PTPRM: variants seen among roughly 807,000 people sequenced by gnomAD.
The protein encoded by PTPRM is receptor-type tyrosine-protein phosphatase mu.
PTPRM carries 47 observed loss-of-function variants against 186.7 expected under a neutral mutation model. That is an observed-to-expected ratio of 0.25 (90% CI 0.20 to 0.32). PTPRM has a LOEUF of 0.32. Among genes scored for constraint, PTPRM ranks in the 10% least tolerant of loss-of-function variants. The pLI, the probability that PTPRM is intolerant of heterozygous loss-of-function variation, is 1.00. For synonymous variants in PTPRM, 668 were observed against 674.9 expected (o/e 0.99, Z 0.16); for missense variants, 1,494 against 1,865.0 (o/e 0.80, Z 3.66).
intron 3 of PTPRM, 151 bp downstream of exon 3, chr18:7,888,528 G>A (rs1599303456): frequency 2.2e-6 from 2 of 927,392 alleles, no homozygotes; most frequent in East Asian, 5.4e-5. Flanking sequence ...TACTGTTGGT[G>A]GGATTGTAAA....
intron 3 of PTPRM, among the ~76,000 whole-genome samples, chr18:7,900,530 T>C (rs2049609555): frequency 6.6e-6 from 1 of 152,152 alleles, no homozygotes; most frequent in African/African-American, 2.4e-5. Context: ...AACCTGTGTA[T>C]CTATACATTA....
intron 1 of PTPRM, among the ~76,000 whole-genome samples, chr18:7,579,571 T>C (rs1422552298): frequency 5.3e-5 from 8 of 152,234 alleles, no homozygotes; most frequent in Non-Finnish European, 1.0e-4. Flanking sequence ...TAGAAACTTA[T>C]CTGCTTCGTA....
At chr18:8,206,268 A>ATTTTATTTTTTTTTTTTATTTTTTTTTTT (rs1238112461) in intron 14 of PTPRM, among the ~76,000 whole-genome samples, 35 of 149,090 alleles carry the variant, frequency 2.3e-4, no homozygotes, top group African/African-American at 9.0e-4. Context: ...ATTTTATTTT[A>ATTTTATTTTTTTTTTTTATTTTTTTTTTT]TTTTGAGACG....
intron 7 of PTPRM, among the ~76,000 whole-genome samples, chr18:8,044,643 G>C (rs2086905078): frequency 6.6e-6 from 1 of 151,556 alleles, no homozygotes; most frequent in South Asian, 2.1e-4. Context: ...TGTAATCCCA[G>C]CTAATCGGGA....
At chr18:7,581,978 A>G (rs561467319) in intron 1 of PTPRM, among the ~76,000 whole-genome samples, 131 of 152,304 alleles carry the variant, frequency 8.6e-4, no homozygotes, top group African/African-American at 2.9e-3. Context: ...ATTTTTTTAA[A>G]GCATCAAAAT....
chr18:7,919,213 A>C (rs1474006731), intron 4 of PTPRM, among the ~76,000 whole-genome samples: 1 of 152,092 alleles, frequency 6.6e-6, no homozygotes, highest in Non-Finnish European at 1.5e-5. Context: ...CTACATTTTG[A>C]AATCAGGTAG....
chr18:8,137,666 C>T (rs184904806), intron 13 of PTPRM, among the ~76,000 whole-genome samples: 85 of 152,242 alleles, frequency 5.6e-4, no homozygotes, highest in Middle Eastern at 6.8e-3. Context: ...GCCTCAGTTC[C>T]AAATCCTCTT....
intron 14 of PTPRM, among the ~76,000 whole-genome samples, chr18:8,163,991 A>C (rs1418726410): frequency 2.0e-5 from 3 of 152,238 alleles, no homozygotes; most frequent in Non-Finnish European, 4.4e-5. Context: ...AAGAACTTGC[A>C]ACCATTAAAC....
intron 2 of PTPRM, among the ~76,000 whole-genome samples, chr18:7,834,992 C>CTTTTTTTTTTTTTTTTTTTTTTTTTT (rs57839485): frequency 1.2e-5 from 1 of 85,268 alleles, no homozygotes; most frequent in Non-Finnish European, 2.3e-5. Context: ...TTATTTGGAT[C>CTTTTTTTTTTTTTTTTTTTTTTTTTT]TTTTTTTTTT....
At chr18:7,717,126 A>G (rs2040351995) in intron 1 of PTPRM, among the ~76,000 whole-genome samples, 3 of 152,196 alleles carry the variant, frequency 2.0e-5, no homozygotes, top group African/African-American at 7.2e-5. Flanking sequence ...CTAGGCAGAA[A>G]AGGGATGGGG....
chr18:7,840,295 C>G (rs761610176), intron 2 of PTPRM, among the ~76,000 whole-genome samples: 1 of 151,962 alleles, frequency 6.6e-6, no homozygotes, highest in South Asian at 2.1e-4. Flanking sequence ...TTCTCTGCCC[C>G]CTGTCTGAGT....
chr18:8,116,982 C>A (rs2145755382), intron 13 of PTPRM, among the ~76,000 whole-genome samples: 1 of 152,290 alleles, frequency 6.6e-6, no homozygotes, highest in Admixed American at 6.5e-5. Context: ...CATAAAATCA[C>A]AGCACAAGAG....
At chr18:7,582,000 G>A (rs1697550841) in intron 1 of PTPRM, among the ~76,000 whole-genome samples, 1 of 152,124 alleles carries the variant, frequency 6.6e-6, no homozygotes, top group African/African-American at 2.4e-5. Context: ...TTTTGGCTAA[G>A]CAAATTTTAC....
intron 28 of PTPRM, 93 bp downstream of exon 28, chr18:8,379,433 C>G (rs1320932683): frequency 5.4e-6 from 7 of 1,292,290 alleles, no homozygotes; most frequent in Non-Finnish European, 7.1e-6. Context: ...CTCACCAGCC[C>G]TTTTGTTTTT....
chr18:8,038,447 A>G (rs566741759), intron 7 of PTPRM, among the ~76,000 whole-genome samples: 1 of 144,538 alleles, frequency 6.9e-6, no homozygotes, highest in Non-Finnish European at 1.5e-5. Context: ...ACTGGAGTGC[A>G]GTGGTGCAAT....
chr18:8,392,904 AAAAT>A (rs1173044520), intron 31 of PTPRM, among the ~76,000 whole-genome samples: 2 of 152,226 alleles, frequency 1.3e-5, no homozygotes, highest in Non-Finnish European at 2.9e-5. Context: ...AACAAATCAT[AAAAT>A]AAATAAACAA....
chr18:8,169,437 A>T (rs1035067), intron 14 of PTPRM, among the ~76,000 whole-genome samples: 3,328 of 152,216 alleles, frequency 0.022, 116 homozygotes, highest in African/African-American at 0.077. Context: ...AAAAATAATA[A>T]GTCTAAAAGT....
At chr18:7,624,177 C>T (rs994037107) in intron 1 of PTPRM, among the ~76,000 whole-genome samples, 2 of 152,158 alleles carry the variant, frequency 1.3e-5, no homozygotes, top group African/African-American at 2.4e-5. Context: ...CTATTTATAG[C>T]GGTGAGTGGG....
chr18:8,317,035 AG>A (rs1438026634), intron 21 of PTPRM, among the ~76,000 whole-genome samples: 1 of 152,196 alleles, frequency 6.6e-6, no homozygotes, highest in East Asian at 1.9e-4. Flanking sequence ...GGGCCAGGTC[AG>A]GTCCACAGTT....
Sources: allele counts gnomAD v4.1 joint callset (sites outside exome capture counted in the v4.1 genomes callset), GRCh38; gene constraint gnomAD v4.1.1; transcripts MANE v1.5; gene names NCBI Gene and HGNC (gene_info 2026-07-23, HGNC 2026-07-21).